The following DCDC1 variants were observed in gnomAD, a reference collection of about 807,000 sequenced individuals.
DCDC1 encodes doublecortin domain containing 1.
A neutral mutation model predicts 178.3 loss-of-function variants in DCDC1; 200 were observed. That is an observed-to-expected ratio of 1.12 (90% CI 1.00 to 1.26). DCDC1 has a LOEUF of 1.26. Ranked by LOEUF, DCDC1 falls within the 50% of genes most tolerant of loss-of-function variation. The probability of loss-of-function intolerance (pLI) is 0.00; values close to 1 mark genes in which losing one functional copy is unlikely to be tolerated. For missense variants in DCDC1, 1,983 were observed against 1,749.2 expected (o/e 1.13, Z -2.38); for synonymous variants, 690 against 604.8 (o/e 1.14, Z -2.07).
intron 20 of DCDC1, among the ~76,000 whole-genome samples, chr11:30,968,705 ATCAAAT>A (rs1398985936): frequency 2.3e-4 from 22 of 95,418 alleles, no homozygotes; most frequent in African/African-American, 1.2e-3. Flanking sequence ...TTATATATAT[ATCAAAT>A]TATATATATA....
chr11:31,359,508 G>A (rs1201659100), intron 1 of DCDC1, among the ~76,000 whole-genome samples: 4 of 151,774 alleles, frequency 2.6e-5, no homozygotes, highest in Admixed American at 6.6e-5. Context: ...TGGGTGCAGC[G>A]CACCAGCATG....
intron 3 of DCDC1, among the ~76,000 whole-genome samples, chr11:31,324,227 C>T (rs1949526832): frequency 6.6e-6 from 1 of 151,598 alleles, no homozygotes; most frequent in South Asian, 2.1e-4. Flanking sequence ...AGAAGAAAAA[C>T]TTCTAAAGAA....
intron 20 of DCDC1, among the ~76,000 whole-genome samples, chr11:31,052,773 T>C (rs554102098): frequency 1.3e-5 from 2 of 152,258 alleles, no homozygotes; most frequent in East Asian, 3.9e-4. Flanking sequence ...AATTTAAACA[T>C]TCTTTGAGCT....
chr11:31,305,909 C>A (rs960286972), intron 5 of DCDC1, 132 bp from the exon 6 acceptor site: 10 of 1,066,938 alleles, frequency 9.4e-6, no homozygotes, highest in Middle Eastern at 4.6e-4. Context: ...TATTTTCTAG[C>A]AGTTGAAAAT....
At chr11:30,935,488 G>T (rs886508922) in intron 21 of DCDC1, among the ~76,000 whole-genome samples, 3 of 152,152 alleles carry the variant, frequency 2.0e-5, no homozygotes, top group Admixed American at 1.3e-4. Context: ...TCTCTTCTTT[G>T]TATAGCAGCC....
Position 31,312,362 on chromosome 11 carries a change from T to G in DCDC1, c.165-4454A>C, listed in dbSNP as rs573963757. On this transcript the variant is annotated intron_variant, in intron 3 of 38. Coordinates refer to ENST00000684477, the MANE Select transcript of DCDC1 (RefSeq NM_001387274.1). Reference sequence around the variant, plus strand: ...TTTCCAGATGAGTAAACCAAGGGCTTACGGTATTTGAACTTATGTCTACAA... The same window carrying G: ...TTTCCAGATGAGTAAACCAAGGGCTGACGGTATTTGAACTTATGTCTACAA... Among the ~76,000 whole-genome samples, 49 of 152,326 alleles carry G rather than the reference T, an allele frequency of 3.2e-4. No homozygotes were observed. The South Asian group carries it at 8.5e-3, about 26-fold the overall frequency.
chr11:31,189,859 C>A (rs1327890292), intron 9 of DCDC1, among the ~76,000 whole-genome samples: 2 of 152,190 alleles, frequency 1.3e-5, no homozygotes, highest in African/African-American at 2.4e-5. Context: ...TCTGCAAAGT[C>A]CCATCAGCCA....
chr11:31,000,957 T>C (rs1397496777), intron 20 of DCDC1, among the ~76,000 whole-genome samples: 1 of 152,178 alleles, frequency 6.6e-6, no homozygotes, highest in Non-Finnish European at 1.5e-5. Flanking sequence ...AACTTGAGAC[T>C]GTATATATGC....
Position 31,335,517 on chromosome 11 carries a change from C to T in DCDC1, c.-77G>A, listed in dbSNP as rs1950225986. On this transcript the variant is annotated 5_prime_UTR_variant, in exon 2 of 39. Coordinates refer to ENST00000684477, the MANE Select transcript of DCDC1 (RefSeq NM_001387274.1). ...CTGGGAGCTGCAGGCTGGAGCTGTT[C>T]CTATTTGGCCATCTTGGAATGGAAT... is the stretch of plus-strand genomic sequence containing the variant. 6.6e-6 allele frequency: 1 copy of T among 152,210 alleles called. No individual in the cohort carries two copies. The allele number at this position is 152,210 out of a possible 1,614,324, so 9.4% of individuals were successfully genotyped here. A position where few individuals can be genotyped will look rare whatever the true frequency, so the allele number is the denominator to read the frequency against.
In DCDC1 at chr11:31,029,876, T is replaced by C. The variant is rs1953504386; in HGVS notation, c.2591+34593A>G. The stretch of plus-strand genomic sequence containing the variant: ...TATAGAAAGGCCAAAGAAGAGTTAT[T>C]TATCTTTACATATCCATAATAGGAA... On this transcript the variant is annotated intron_variant, in intron 20 of 38. Coordinates refer to ENST00000684477, the MANE Select transcript of DCDC1 (RefSeq NM_001387274.1). Among the ~76,000 whole-genome samples, 3 of 152,166 alleles carry C rather than the reference T, an allele frequency of 2.0e-5. No individual in the cohort carries two copies. In the South Asian group the frequency reaches 6.2e-4, roughly 31 times the overall value.
chr11:30,996,287 C>A (rs1951264776), intron 20 of DCDC1, among the ~76,000 whole-genome samples: 1 of 152,076 alleles, frequency 6.6e-6, no homozygotes, highest in Non-Finnish European at 1.5e-5. Flanking sequence ...CCTGCTGATA[C>A]CAAGGGCTAT....
In DCDC1 at chr11:30,885,265, T is replaced by TA. The variant is rs538787097; in HGVS notation, c.5083-3958dup. On this transcript the variant is annotated intron_variant, in intron 36 of 38. Transcript: ENST00000684477. ...AGGAAAAAAAAAAGGAAAAGTAAGA[T>TA]AAAAACACAACTGCAAAAAAATTAG... 4.0e-4 allele frequency among the ~76,000 whole-genome samples: 61 copies of TA among 151,102 alleles called. 1 individual carries two copies. The highest frequency in any genetic ancestry group is 7.1e-4 in the Non-Finnish European group (48 of 67,658).
chr11:31,186,589 C>T (rs146030670), intron 9 of DCDC1, among the ~76,000 whole-genome samples: 51 of 152,314 alleles, frequency 3.3e-4, no homozygotes, highest in Non-Finnish European at 1.0e-4. Flanking sequence ...GGCACCACTG[C>T]CGCCCTCAGA....
At position 30,922,380 on chromosome 11, in the gene DCDC1, T is replaced by C. The variant is rs139270459; in HGVS notation, c.3133+123A>G. ...AAACACATAATTTAGTTTAAAGAGT[T>C]AAACAGCAAGATGCAGAGGTGAAAT... On this transcript the variant is annotated intron_variant, in intron 24 of 38. Transcript: ENST00000684477. 1.7e-3 allele frequency: 2,030 copies of C among 1,186,840 alleles called. 16 individuals are homozygous for C. Among genetic ancestry groups the C allele is most frequent in the African/African-American group, 0.014 (864 of 63,002 alleles). 73.5% of individuals were successfully genotyped at this position (1,186,840 alleles called of 1,614,324 possible). A position where few individuals can be genotyped will look rare whatever the true frequency, so the allele number is the denominator to read the frequency against.
chr11:31,129,925 T>A (rs1193008241), intron 10 of DCDC1, among the ~76,000 whole-genome samples: 2 of 152,092 alleles, frequency 1.3e-5, no homozygotes, highest in African/African-American at 4.8e-5. Flanking sequence ...CAGACCCCTC[T>A]CCTCTAACCA....
intron 10 of DCDC1, among the ~76,000 whole-genome samples, chr11:31,128,924 A>T (rs1962032657): frequency 6.6e-6 from 1 of 152,150 alleles, no homozygotes; most frequent in East Asian, 1.9e-4. Context: ...CACATGAGGA[A>T]GTCAGAAATT....
rs1156919834 is a variant in DCDC1 at position 30,922,758 on chromosome 11, T to C, written c.2998-120A>G. The C allele has an allele frequency of 5.9e-6, 6 of 1,017,004 alleles. No individual in the cohort carries two copies. The Admixed American group carries it at 1.7e-4, about 28-fold the overall frequency. 63.0% of individuals were successfully genotyped at this position (1,017,004 alleles called of 1,614,324 possible). A position where few individuals can be genotyped will look rare whatever the true frequency, so the allele number is the denominator to read the frequency against. ...TCCTATTAATATAATAGGTGAATGATTAAAGAAAACTGTGTACCACTCAGT... is the reference window on the plus strand; with the variant it reads ...TCCTATTAATATAATAGGTGAATGACTAAAGAAAACTGTGTACCACTCAGT... On this transcript the variant is annotated intron_variant, in intron 23 of 38. Transcript: ENST00000684477.
intron 15 of DCDC1, among the ~76,000 whole-genome samples, chr11:31,096,225 T>C (rs1423211899): frequency 1.3e-5 from 2 of 152,206 alleles, no homozygotes; most frequent in Non-Finnish European, 2.9e-5. Flanking sequence ...CTAAGCAGAT[T>C]TGACTTATAG....
intron 20 of DCDC1, among the ~76,000 whole-genome samples, chr11:31,061,495 T>A (rs1565234201): frequency 1.3e-5 from 2 of 151,918 alleles, no homozygotes; most frequent in Admixed American, 1.3e-4. Flanking sequence ...AAACTGAAAT[T>A]ACATCTACTG....
Sources: gnomAD v4.1 joint callset for allele counts (sites outside exome capture counted in the v4.1 genomes callset) on GRCh38, gnomAD v4.1.1 for gene constraint, MANE v1.5 for transcripts, NCBI Gene and HGNC (gene_info 2026-07-23, HGNC 2026-07-21) for gene names.